Variants in NQO2 observed in about 807,000 individuals in gnomAD.
NQO2 encodes ribosyldihydronicotinamide dehydrogenase [quinone].
Under a neutral mutation model 22.0 loss-of-function variants are expected in NQO2, and 18 were observed. The observed-to-expected ratio is 0.82, with a 90% CI of 0.56 to 1.21. The LOEUF is 1.21. Among genes scored for constraint, NQO2 ranks in the 50% most tolerant of loss-of-function variants. The pLI is 0.00. For synonymous variants in NQO2, 106 were observed against 110.8 expected, an observed-to-expected ratio of 0.96 and a Z score of 0.28; for missense variants, 267 against 286.9, an observed-to-expected ratio of 0.93 and a Z score of 0.50.
chr6:3,005,187 G>C (rs1756904624), intron 1 of NQO2, among the ~76,000 whole-genome samples: 1 of 152,174 alleles, frequency 6.6e-6, no homozygotes, highest in African/African-American at 2.4e-5. Context: ...TAGCTGTTGT[G>C]GAAAATGCTG....
intron 1 of NQO2, chr6:3,004,352 T>G (rs2756076): frequency 2.0e-6 from 2 of 985,252 alleles, no homozygotes; most frequent in Non-Finnish European, 2.4e-6. Flanking sequence ...GGGAAGGATT[T>G]GAAGTCACCT....
At chr6:3,001,171 C>T (rs1227073430) in intron 1 of NQO2, among the ~76,000 whole-genome samples, 1 of 151,254 alleles carries the variant, frequency 6.6e-6, no homozygotes, top group Non-Finnish European at 1.5e-5. Flanking sequence ...CTCACTGCAA[C>T]CTCTGCCTCC....
chr6:3,003,689 G>A (rs1296190343), intron 1 of NQO2: 1 of 576,352 alleles, frequency 1.7e-6, no homozygotes, highest in East Asian at 1.4e-4. Flanking sequence ...ATTCTTGTAA[G>A]TGTTGCTGGT....
intron 1 of NQO2, among the ~76,000 whole-genome samples, chr6:3,005,356 T>C (rs1756913002): frequency 6.6e-6 from 1 of 152,220 alleles, no homozygotes; most frequent in Non-Finnish European, 1.5e-5. Context: ...CACTCGACCT[T>C]TCCCCAGCGG....
At chr6:3,000,833 G>A (rs1756664853) in intron 1 of NQO2, among the ~76,000 whole-genome samples, 1 of 149,588 alleles carries the variant, frequency 6.7e-6, no homozygotes, top group Non-Finnish European at 1.5e-5. Context: ...CACTGCTCCC[G>A]GCCCTCTTTT....
chr6:3,015,037 A>G lies in NQO2; in HGVS notation c.304-493A>G, dbSNP rs550693840. The G allele has an allele frequency of 5.7e-5, 68 of 1,194,484 alleles. 1 individual carries two copies. The Middle Eastern group carries it at 8.8e-4, about 16-fold the overall frequency. 74.0% of individuals were successfully genotyped at this position (1,194,484 alleles called of 1,614,324 possible). Reference sequence around the variant, plus strand: ...GTAACACTGGATGTAATGTTAGGGCATCTATGGGATAGGGAGATCTTAGCG... The same window carrying G: ...GTAACACTGGATGTAATGTTAGGGCGTCTATGGGATAGGGAGATCTTAGCG... On this transcript the variant is annotated intron_variant, in intron 4 of 6. Coordinates refer to ENST00000380455, the MANE Select transcript of NQO2 (RefSeq NM_000904.6).
chr6:3,013,097 A>G (rs968304947), intron 4 of NQO2, among the ~76,000 whole-genome samples: 24 of 151,128 alleles, frequency 1.6e-4, no homozygotes, highest in Non-Finnish European at 3.0e-4. Context: ...CTGGGACTAC[A>G]GGCGCCCGCC....
chr6:3,015,884 CAA>C (rs1483127859), intron 5 of NQO2, among the ~76,000 whole-genome samples: 1 of 152,182 alleles, frequency 6.6e-6, no homozygotes, highest in Non-Finnish European at 1.5e-5. Context: ...GCATGGCAAA[CAA>C]GGGAGTGGGT....
At chr6:3,005,829 T>A in intron 1 of NQO2, 1 of 984,644 alleles carries the variant, frequency 1.0e-6, no homozygotes, top group Non-Finnish European at 1.2e-6. Flanking sequence ...ACTTTGTTGA[T>A]GAGGAGGTTG....
chr6:3,013,574 C>G (rs1289466846), intron 4 of NQO2, among the ~76,000 whole-genome samples: 1 of 152,130 alleles, frequency 6.6e-6, no homozygotes, highest in African/African-American at 2.4e-5. Flanking sequence ...CTGGTTTCTA[C>G]CCTCTCAGTG....
At chr6:3,008,938 G>A (rs1364347845) in intron 2 of NQO2, among the ~76,000 whole-genome samples, 1 of 152,088 alleles carries the variant, frequency 6.6e-6, no homozygotes, top group Non-Finnish European at 1.5e-5. Flanking sequence ...ATGGAGGCAG[G>A]GCGAGATCAC....
At chr6:3,009,763 A>G (rs1757079934) in intron 2 of NQO2, 2 of 202,660 alleles carry the variant, frequency 9.9e-6, no homozygotes, top group South Asian at 3.5e-4. Flanking sequence ...GCTAGTCAGG[A>G]GACTGAGGCA....
chr6:3,001,159 AG>A (rs1288338064), intron 1 of NQO2, among the ~76,000 whole-genome samples: 2 of 145,488 alleles, frequency 1.4e-5, no homozygotes, highest in Non-Finnish European at 3.0e-5. Context: ...GCACAATCTC[AG>A]CTCACTGCAA....
At position 3,000,529 on chromosome 6, in the gene NQO2, A is replaced by G. The variant is rs1200007482; in HGVS notation, c.-86+444A>G. On this transcript the variant is annotated intron_variant, in intron 1 of 6. Coordinates refer to ENST00000380455, the MANE Select transcript of NQO2 (RefSeq NM_000904.6). ...TCTCTAACCTATAATCTCTCTGGGAAAAAAAAAAATCAGCTTTTTTTTTTT... is the reference window on the plus strand; with the variant it reads ...TCTCTAACCTATAATCTCTCTGGGAGAAAAAAAAATCAGCTTTTTTTTTTT... 1.8e-3 allele frequency among the ~76,000 whole-genome samples: 129 copies of G among 70,958 alleles called. 1 individual carries two copies. The highest frequency in any genetic ancestry group is 7.7e-3 in the African/African-American group (124 of 16,196). 46.6% of individuals were successfully genotyped at this position (70,958 alleles called of 152,430 possible). A position where few individuals can be genotyped will look rare whatever the true frequency, so the allele number is the denominator to read the frequency against.
chr6:3,011,024 G>A (rs1204015234), intron 3 of NQO2, among the ~76,000 whole-genome samples: 1 of 151,834 alleles, frequency 6.6e-6, no homozygotes, highest in African/African-American at 2.4e-5. Flanking sequence ...ATGAAAACAA[G>A]TCAGACATAG....
chr6:3,015,707 C>G, intron 5 of NQO2, 64 bp downstream of exon 5: 1 of 1,448,706 alleles, frequency 6.9e-7, no homozygotes, highest in South Asian at 1.2e-5. Context: ...GATGCGTCTT[C>G]TATCAAGTTA....
chr6:3,005,559 G>A (rs1756922063), intron 1 of NQO2: 1 of 725,566 alleles, frequency 1.4e-6, no homozygotes, highest in Admixed American at 6.3e-5. Context: ...GCCTACACAA[G>A]CCTTCTGCCC....
chr6:3,000,628 G>A (rs1756654528), intron 1 of NQO2, among the ~76,000 whole-genome samples: 1 of 150,566 alleles, frequency 6.6e-6, no homozygotes, highest in South Asian at 2.1e-4. Flanking sequence ...TGCAACCTCC[G>A]CCTCCCGGGT....
At chr6:3,017,231 A>T (rs1182851979) in intron 6 of NQO2, among the ~76,000 whole-genome samples, 1 of 152,256 alleles carries the variant, frequency 6.6e-6, no homozygotes, top group Non-Finnish European at 1.5e-5. Flanking sequence ...ACCAATAGGG[A>T]AAACATGCCC....
Sources: gnomAD v4.1 joint callset for allele counts (sites outside exome capture counted in the v4.1 genomes callset) on GRCh38, gnomAD v4.1.1 for gene constraint, MANE v1.5 for transcripts, NCBI Gene and HGNC (gene_info 2026-07-23, HGNC 2026-07-21) for gene names.